The following COL4A3 variants were observed in gnomAD, a reference collection of about 807,000 sequenced individuals.
COL4A3 encodes collagen alpha-3(IV) chain.
COL4A3 carries 135 observed loss-of-function variants against 217.4 expected under a neutral mutation model. The ratio of observed to expected loss-of-function variants is 0.62; its 90% confidence interval spans 0.54 to 0.72. The LOEUF is 0.72. Among genes scored for constraint, COL4A3 ranks in the 30% least tolerant of loss-of-function variants. The probability of loss-of-function intolerance (pLI) is 0.00; values close to 1 mark genes in which losing one functional copy is unlikely to be tolerated. For synonymous variants in COL4A3, 690 were observed against 736.3 expected, an observed-to-expected ratio of 0.94 and a Z score of 1.02; for missense variants, 1,868 against 2,119.9, an observed-to-expected ratio of 0.88 and a Z score of 2.33.
At chr2:227,222,685 G>A (rs1408005137) in intron 1 of COL4A3, 1 of 152,236 alleles carries the variant, frequency 6.6e-6, no homozygotes, top group Non-Finnish European at 1.5e-5. Context: ...AGGTAACTTT[G>A]AACTGCTCTG....
chr2:227,248,433 C>T lies in COL4A3; in HGVS notation c.469-10C>T. 1 of 1,581,194 alleles carries T rather than the reference C, an allele frequency of 6.3e-7. No individual in the cohort carries two copies. Among genetic ancestry groups the T allele is most frequent in the Non-Finnish European group, 8.7e-7 (1 of 1,150,016 alleles). On this transcript the variant is annotated splice_polypyrimidine_tract_variant and intron_variant, in intron 8 of 51. Transcript: ENST00000396578. ...ATTGATGATGTTTGATGAACTTCTT[C>T]ATTTTCAAGGGTGCTCCTGCTAAAG...
At chr2:227,212,183 T>C (rs1416872020) in intron 1 of COL4A3, among the ~76,000 whole-genome samples, 1 of 151,222 alleles carries the variant, frequency 6.6e-6, no homozygotes, top group Non-Finnish European at 1.5e-5. Context: ...CTTTTTCTTA[T>C]TGATTCTTGG....
At chr2:227,181,457 C>T (rs2065865492) in intron 1 of COL4A3, among the ~76,000 whole-genome samples, 1 of 152,226 alleles carries the variant, frequency 6.6e-6, no homozygotes, top group Non-Finnish European at 1.5e-5. Flanking sequence ...TTGAACATAA[C>T]TATTCTTTAT....
At chr2:227,233,340 A>AC (rs11383756) in intron 1 of COL4A3, among the ~76,000 whole-genome samples, 4 of 151,764 alleles carry the variant, frequency 2.6e-5, no homozygotes, top group African/African-American at 7.3e-5. Flanking sequence ...TGTTAAAAAA[A>AC]AAAAATTCTA....
intron 15 of COL4A3, among the ~76,000 whole-genome samples, chr2:227,255,438 C>T (rs1428110166): frequency 6.6e-6 from 1 of 151,776 alleles, no homozygotes; most frequent in Admixed American, 6.5e-5. Context: ...GTAAAATCTA[C>T]AAAACTTATA....
In COL4A3 at chr2:227,280,514, A is replaced by G. The variant is rs2106151797; in HGVS notation, c.2298A>G (p.Glu766=). ...GFPGERGNSG[E]HGEIGLPGLP... is the part of the protein sequence containing the mutation. ...CAGGAGAAAGAGGCAATTCTGGGGA[A>G]CATGGAGAAATTGGACTCCCTGGAC... The change falls in exon 30 of 52, where the codon GAA becomes GAG. Residue 766 remains glutamate (E), a synonymous_variant. Coordinates refer to ENST00000396578, the MANE Select transcript of COL4A3 (RefSeq NM_000091.5). 1 of 1,614,134 alleles carries G rather than the reference A, an allele frequency of 6.2e-7. No individual in the cohort carries two copies. Among genetic ancestry groups the G allele is most frequent in the Non-Finnish European group, 8.5e-7 (1 of 1,179,966 alleles).
intron 26 of COL4A3, among the ~76,000 whole-genome samples, chr2:227,276,121 C>A (rs1209023003): frequency 6.6e-6 from 1 of 152,222 alleles, no homozygotes; most frequent in East Asian, 1.9e-4. Context: ...TTAGGACCGT[C>A]ATCTGTGAGT....
intron 9 of COL4A3, among the ~76,000 whole-genome samples, chr2:227,249,646 G>A (rs1215253225): frequency 6.6e-6 from 1 of 152,076 alleles, no homozygotes; most frequent in African/African-American, 2.4e-5. Context: ...AATCCTGTAT[G>A]GTGCGCTATC....
intron 1 of COL4A3, among the ~76,000 whole-genome samples, chr2:227,217,655 C>A (rs1029928919): frequency 2.0e-5 from 3 of 152,068 alleles, no homozygotes; most frequent in Non-Finnish European, 4.4e-5. Context: ...CCGTAAATTG[C>A]AAAATTATCA....
At chr2:227,192,183 A>G (rs1481486183) in intron 1 of COL4A3, among the ~76,000 whole-genome samples, 1 of 152,262 alleles carries the variant, frequency 6.6e-6, no homozygotes, top group Non-Finnish European at 1.5e-5. Context: ...TGGTAAATTA[A>G]TCCCAAACAA....
chr2:227,200,232 C>T (rs988969949), intron 1 of COL4A3, among the ~76,000 whole-genome samples: 1 of 150,492 alleles, frequency 6.6e-6, no homozygotes, highest in African/African-American at 2.4e-5. Context: ...AGATACAATT[C>T]GAAGAAGGGA....
intron 34 of COL4A3, among the ~76,000 whole-genome samples, chr2:227,286,882 T>G (rs988109872): frequency 2.6e-5 from 4 of 152,230 alleles, no homozygotes; most frequent in Admixed American, 6.5e-5. Flanking sequence ...ACATGACATT[T>G]ATGTACTCAA....
rs1177514074 is a variant in COL4A3 at position 227,253,887 on chromosome 2, C to CA, written c.766-217dup. Reference sequence around the variant, plus strand: ...AGACTTCATTTAAAAAAAAAAACAACAAAAAAAAGATACTTAAAAAAAAGC... The same window carrying CA: ...AGACTTCATTTAAAAAAAAAAACAACAAAAAAAAAGATACTTAAAAAAAAGC... On this transcript the variant is annotated intron_variant, in intron 13 of 51. Coordinates refer to ENST00000396578, the MANE Select transcript of COL4A3 (RefSeq NM_000091.5). This position sits in a 1 kb window ranked among gnomAD's most constrained non-coding sequence, Gnocchi z 4.4. Among the ~76,000 whole-genome samples the CA allele has an allele frequency of 3.9e-4, 59 of 150,980 alleles. No individual in the cohort carries two copies. Among genetic ancestry groups the CA allele is most frequent in the East Asian group, 1.2e-3 (6 of 5,136 alleles).
intron 33 of COL4A3, 89 bp downstream of exon 33, chr2:227,283,945 G>A: frequency 2.5e-6 from 3 of 1,217,306 alleles, no homozygotes; most frequent in Non-Finnish European, 3.6e-6. Context: ...TCATTGGAGG[G>A]AAAAATAGTT....
intron 21 of COL4A3, 68 bp from the exon 22 acceptor site, chr2:227,266,349 A>G (rs1247236379): frequency 3.8e-5 from 44 of 1,148,092 alleles, no homozygotes; most frequent in Non-Finnish European, 5.3e-5. Flanking sequence ...AATAATACAT[A>G]TATTACAATA....
chr2:227,190,868 C>G (rs986765694), intron 1 of COL4A3, among the ~76,000 whole-genome samples: 6 of 152,310 alleles, frequency 3.9e-5, no homozygotes, highest in African/African-American at 1.4e-4. Flanking sequence ...GACCATGCCA[C>G]TGCACTCCAG....
chr2:227,287,453 C>T (rs1331952734), intron 34 of COL4A3, among the ~76,000 whole-genome samples: 5 of 151,854 alleles, frequency 3.3e-5, no homozygotes, highest in Admixed American at 6.6e-5. Context: ...ATGTAAAACC[C>T]GTCTTTAACC....
Position 227,212,671 on chromosome 2 carries a change from A to C in COL4A3, c.88-25297A>C, listed in dbSNP as rs150442160. Among the ~76,000 whole-genome samples, 817 of 152,328 alleles carry C rather than the reference A, an allele frequency of 5.4e-3. 3 individuals are homozygous for C. Among genetic ancestry groups the C allele is most frequent in the Non-Finnish European group, 8.8e-3 (601 of 68,024 alleles). On this transcript the variant is annotated intron_variant, in intron 1 of 51. Coordinates refer to ENST00000396578, the MANE Select transcript of COL4A3 (RefSeq NM_000091.5). Reference sequence around the variant, plus strand: ...TTAATTACTATAATTTTATACTATAAGTGTTGGAATCTAGAAGGGCAAGCT... The same window carrying C: ...TTAATTACTATAATTTTATACTATACGTGTTGGAATCTAGAAGGGCAAGCT...
intron 37 of COL4A3, among the ~76,000 whole-genome samples, chr2:227,292,125 A>G (rs1486572634): frequency 6.6e-6 from 1 of 152,078 alleles, no homozygotes; most frequent in Non-Finnish European, 1.5e-5. Context: ...TATATGTATG[A>G]CTCCAATATA....
Sources: allele counts gnomAD v4.1 joint callset (sites outside exome capture counted in the v4.1 genomes callset), GRCh38; gene constraint gnomAD v4.1.1; non-coding constraint Gnocchi (gnomAD v3.1); transcripts MANE v1.5; gene names NCBI Gene and HGNC (gene_info 2026-07-23, HGNC 2026-07-21).